Variants in TWIST1 observed in about 807,000 individuals in gnomAD.
TWIST1 encodes twist family bHLH transcription factor 1, also known as twist-related protein 1.
Under a neutral mutation model 12.9 loss-of-function variants are expected in TWIST1, and 8 were observed. That is an observed-to-expected ratio of 0.62 (90% CI 0.37 to 1.12). The LOEUF (loss-of-function observed/expected upper bound fraction) is 1.12. Ranked by LOEUF, TWIST1 falls within the 50% of genes most tolerant of loss-of-function variation. TWIST1 has a pLI of 0.02. For missense variants in TWIST1, 268 were observed against 299.7 expected (o/e 0.89, Z 0.78); for synonymous variants, 169 against 138.7 (o/e 1.22, Z -1.54).
Position 19,117,060 on chromosome 7 carries a change from C to A in TWIST1, c.262G>T (p.Gly88Cys), listed in dbSNP as rs1361338524. The A allele has an allele frequency of 7.1e-6, 10 of 1,405,816 alleles. No homozygotes were observed. The South Asian group carries it at 1.6e-4, about 22-fold the overall frequency. 87.1% of individuals were successfully genotyped at this position (1,405,816 alleles called of 1,614,324 possible). The change falls in exon 1 of 2, where the codon GGC becomes TGC. Residue 88 changes from glycine to cysteine, a missense_variant. Transcript: ENST00000242261. ...CCGCTGCTGCTGCCGCCGCCGCCGCCCGCGCCGCCGCCGCCGCCACAGCCC... is the reference window on the plus strand; with the variant it reads ...CCGCTGCTGCTGCCGCCGCCGCCGCACGCGCCGCCGCCGCCGCCACAGCCC... ...SAGCGGGGGAGGGGGSSSGGG... is the reference protein window; with the variant it reads ...SAGCGGGGGACGGGGSSSGGG...
intron 1 of TWIST1, 131 bp downstream of exon 1, chr7:19,116,540 G>A: frequency 1.3e-6 from 1 of 794,832 alleles, no homozygotes; most frequent in Non-Finnish European, 2.0e-6. Context: ...AGGCAACGGT[G>A]CCAAGTGAGG....
rs1554442008 is a variant in TWIST1, at chr7:19,116,955, A to C, written c.367T>G (p.Ser123Ala). Residue 123 changes from serine to alanine, a missense_variant, in exon 1 of 2, where the codon TCG becomes GCG. Physicochemically the swap from Ser to Ala is moderately conservative, Grantham distance 99 (BLOSUM62 1). Transcript: ENST00000242261. ...ANVRERQRTQ[S>A]LNEAFAALRK... is the part of the protein sequence containing the mutation. ...AGCGCGGCGAACGCCTCGTTCAGCG[A>C]CTGGGTGCGCTGGCGCTCCCGCACG... 1 of 1,613,490 alleles carries C rather than the reference A, an allele frequency of 6.2e-7. No homozygotes were observed. Among genetic ancestry groups the C allele is most frequent in the Non-Finnish European group, 8.5e-7 (1 of 1,179,916 alleles).
Position 19,116,792 on chromosome 7 carries a change from T to C in TWIST1, c.530A>G (p.Tyr177Cys), listed in dbSNP as rs1310135591. ...GTAGCTGAGCCGCTCGTGAGCCACA[T>C]AGCTGCAGCTTGCCATCTTGGAGTC... ...ELDSKMASCS[Y>C]VAHERLSYAF... Residue 177 changes from tyrosine to cysteine, a missense_variant, in exon 1 of 2, where the codon TAT (tyrosine) becomes TGT (cysteine). Tyr to Cys is a radical substitution (Grantham distance 194). Coordinates refer to ENST00000242261, the MANE Select transcript of TWIST1 (RefSeq NM_000474.4). 4 of 1,614,048 alleles carry C rather than the reference T, an allele frequency of 2.5e-6. No individual in the cohort carries two copies. The highest frequency in any genetic ancestry group is 1.1e-5 in the South Asian group (1 of 91,070).
downstream of TWIST1, chr7:19,114,275 A>G (rs780442891): frequency 1.3e-5 from 2 of 152,246 alleles, no homozygotes; most frequent in African/African-American, 2.4e-5. Context: ...CAATAAATTC[A>G]TAATATTCTT....
At chr7:19,114,138 C>T (rs1325350611), downstream of TWIST1, 8 of 152,100 alleles carry the variant, frequency 5.3e-5, no homozygotes, top group South Asian at 2.1e-4. Flanking sequence ...ATCGCCTTCC[C>T]TTTCTGTTAT....
chr7:19,115,150 A>T (rs1013882878), downstream of TWIST1, among the ~76,000 whole-genome samples: 1 of 152,208 alleles, frequency 6.6e-6, no homozygotes, highest in Non-Finnish European at 1.5e-5. Context: ...TATACTCCTT[A>T]TTTGCATTTA....
Position 19,116,833 on chromosome 7 carries a change from G to A in TWIST1, c.489C>T (p.Leu163=), listed in dbSNP as rs200031420. ...ARYIDFLYQV[L]QSDELDSKMA... ...TCTTGGAGTCCAGCTCGTCGCTCTG[G>A]AGGACCTGGTAGAGGAAGTCGATGT... is the stretch of plus-strand genomic sequence containing the variant. The change falls in exon 1 of 2, where the codon CTC becomes CTT. Residue 163 remains leucine, a synonymous_variant. Transcript: ENST00000242261. 4 of 1,614,150 alleles carry A rather than the reference G, an allele frequency of 2.5e-6. No individual in the cohort carries two copies. The highest frequency in any genetic ancestry group is 2.5e-6 in the Non-Finnish European group (3 of 1,180,024).
rs1049199076 is a variant in TWIST1 at position 19,117,469 on chromosome 7, C to CCGCGGGGAGGGCG, written c.-161_-149dup. The CCGCGGGGAGGGCG allele has an allele frequency of 1.7e-6, 2 of 1,188,048 alleles. No individual in the cohort carries two copies. The highest frequency in any genetic ancestry group is 4.7e-5 in the Admixed American group (1 of 21,318). 73.6% of individuals were successfully genotyped at this position (1,188,048 alleles called of 1,614,324 possible). ...GCAGGAGGACGGACGGGAGGGACCT[C>CCGCGGGGAGGGCG]CGCGGGGAGGGCGCGCGGGGGAGGC... On this transcript the variant is annotated 5_prime_UTR_variant, in exon 1 of 2. Coordinates refer to ENST00000242261, the MANE Select transcript of TWIST1 (RefSeq NM_000474.4).
downstream of TWIST1, among the ~76,000 whole-genome samples, chr7:19,114,615 C>T (rs559128718): frequency 2.6e-4 from 39 of 152,278 alleles, 1 homozygote; most frequent in South Asian, 7.9e-3. Flanking sequence ...TTTTACTTAA[C>T]TTCAGATTGT....
chr7:19,117,214 T>C lies in TWIST1; in HGVS notation c.108A>G (p.Gly36=), dbSNP rs1788592518. The stretch of plus-strand genomic sequence containing the variant: ...TGCGCCTGCTGCTGCGCCGCTTGCG[T>C]CCCCCGCGCTTGCCGCTCGGCGGCT... The part of the protein sequence containing the change: ...RQQPPSGKRG[G]RKRRSSRRSA... The change falls in exon 1 of 2, where the codon GGA becomes GGG. Residue 36 remains glycine, a synonymous_variant. Transcript: ENST00000242261. The C allele has an allele frequency of 7.2e-7, 1 of 1,385,124 alleles. No individual in the cohort carries two copies. The highest frequency in any genetic ancestry group is 3.3e-5 in the East Asian group (1 of 29,852). The allele number at this position is 1,385,124 out of a possible 1,614,324, so 85.8% of individuals were successfully genotyped here.
downstream of TWIST1, chr7:19,113,528 C>T (rs1272227524): frequency 6.6e-6 from 1 of 152,164 alleles, no homozygotes; most frequent in African/African-American, 2.4e-5. Context: ...AAAAGAATTT[C>T]ACGATTTATG....
rs1242815876 is a variant in TWIST1 at position 19,117,070 on chromosome 7, G to A, written c.252C>T (p.Gly84=). ...TGCCGCCGCCGCCGCCCGCGCCGCC[G>A]CCGCCGCCACAGCCCGCAGACTTCT... ...RGKKSAGCGG[G]GGAGGGGGSS... is the part of the protein sequence containing the mutation. The change falls in exon 1 of 2, where the codon GGC becomes GGT. Residue 84 remains glycine, a synonymous_variant. Coordinates refer to ENST00000242261, the MANE Select transcript of TWIST1 (RefSeq NM_000474.4). The A allele has an allele frequency of 5.7e-6, 8 of 1,398,730 alleles. No homozygotes were observed. Among genetic ancestry groups the A allele is most frequent in the Middle Eastern group, 1.9e-4 (1 of 5,138 alleles). The allele number at this position is 1,398,730 out of a possible 1,614,324, so 86.6% of individuals were successfully genotyped here. A position where few individuals can be genotyped will look rare whatever the true frequency, so the allele number is the denominator to read the frequency against.
chr7:19,115,230 T>C (rs554611714), downstream of TWIST1, among the ~76,000 whole-genome samples: 1 of 152,326 alleles, frequency 6.6e-6, no homozygotes, highest in South Asian at 2.1e-4. Flanking sequence ...TTTTGCTGTT[T>C]GGAGACAGTA....
Position 19,117,170 on chromosome 7 carries a change from C to A in TWIST1, c.152G>T (p.Gly51Val), listed in dbSNP as rs1305059157. 56 of 1,103,642 alleles carry A rather than the reference C, an allele frequency of 5.1e-5. No homozygotes were observed. The highest frequency in any genetic ancestry group is 6.0e-5 in the Non-Finnish European group (55 of 909,886). 68.4% of individuals were successfully genotyped at this position (1,103,642 alleles called of 1,614,324 possible). Residue 51 changes from glycine to valine, a missense_variant, in exon 1 of 2, where the codon GGG (glycine) becomes GTG (valine). By Grantham distance (109) the Gly-to-Val change is moderately radical (BLOSUM62 -3). This residue lies in a region of TWIST1 where 189 missense variants were observed against 172.1 expected (regional missense o/e 1.10). Coordinates refer to ENST00000242261, the MANE Select transcript of TWIST1 (RefSeq NM_000474.4). ...GCCCCCACCCGCGGCTCCGCCGGGC[C>A]CCGCGCCGCCGCCCGCGCTGCGCCT... ...SSRRSAGGGA[G>V]PGGAAGGGVG...
intron 1 of TWIST1, 97 bp from the exon 2 acceptor site, chr7:19,116,228 T>C (rs1299485869): frequency 4.3e-5 from 7 of 162,230 alleles, no homozygotes; most frequent in Admixed American, 1.8e-4. Flanking sequence ...TCACCACCAC[T>C]GAGAAATTAA....
At chr7:19,115,368 A>T (rs1788543310), downstream of TWIST1, 1 of 152,562 alleles carries the variant, frequency 6.6e-6, no homozygotes, top group African/African-American at 2.4e-5. Flanking sequence ...CTTTGTTTAT[A>T]TTAGTGCCCC....
chr7:19,117,431 C>A lies in TWIST1; in HGVS notation c.-110G>T, dbSNP rs530965063. 6.8e-5 allele frequency: 81 copies of A among 1,199,128 alleles called. No individual in the cohort carries two copies. In the East Asian group the frequency reaches 2.7e-3, roughly 41 times the overall value. 74.3% of individuals were successfully genotyped at this position (1,199,128 alleles called of 1,614,324 possible). ...CGGCGCCGGCCCGGGCGATGCGGCC[C>A]GCGGAGGAGAGAGCAGGAGGACGGA... On this transcript the variant is annotated 5_prime_UTR_variant, in exon 1 of 2. Transcript: ENST00000242261.
chr7:19,116,600 G>A, intron 1 of TWIST1, 71 bp downstream of exon 1: 2 of 1,243,298 alleles, frequency 1.6e-6, no homozygotes, highest in South Asian at 2.8e-5. Context: ...GAGGTGGACT[G>A]GGAACCGCGG....
In TWIST1 at chr7:19,115,664, G is replaced by C. The variant is rs955542698; in HGVS notation, c.*510C>G. ...CCCCTCAGAGGAAGGATGAAAAAAA[G>C]AATTAACTGACTATGGTTTTGCAGG... On this transcript the variant is annotated 3_prime_UTR_variant, in exon 2 of 2. Transcript: ENST00000242261. 1 of 151,904 alleles carries C rather than the reference G, an allele frequency of 6.6e-6. No individual in the cohort carries two copies. Among genetic ancestry groups the C allele is most frequent in the Non-Finnish European group, 1.5e-5 (1 of 67,922 alleles). 9.4% of individuals were successfully genotyped at this position (151,904 alleles called of 1,614,324 possible).
Sources: gnomAD v4.1 joint callset for allele counts (sites outside exome capture counted in the v4.1 genomes callset) on GRCh38, gnomAD v4.1.1 for gene constraint, gnomAD v4.1.1 regional missense constraint, MANE v1.5 for transcripts, NCBI Gene and HGNC (gene_info 2026-07-23, HGNC 2026-07-21) for gene names.